BANP: variants seen among roughly 807,000 people sequenced by gnomAD.
The protein encoded by BANP is protein BANP.
A neutral mutation model predicts 68.1 loss-of-function variants in BANP; 11 were observed. The ratio of observed to expected loss-of-function variants is 0.16; its 90% CI spans 0.10 to 0.27. BANP has a LOEUF of 0.27. Ranked by LOEUF, BANP falls within the 10% of genes least tolerant of loss-of-function variation. BANP has a pLI of 1.00. For missense variants in BANP, 504 were observed against 722.7 expected (o/e 0.70, Z 3.47); for synonymous variants, 329 against 303.2 (o/e 1.09, Z -0.88).
At chr16:88,037,044 C>G (rs1420096252) in intron 10 of BANP, among the ~76,000 whole-genome samples, 2 of 152,182 alleles carry the variant, frequency 1.3e-5, no homozygotes, top group African/African-American at 4.8e-5. Context: ...GCTAAGCTCA[C>G]TGCCAAAGAG....
chr16:88,018,016 G>T lies in BANP; in HGVS notation c.656-412G>T, dbSNP rs1477017922. On this transcript the variant is annotated intron_variant, in intron 6 of 13. Transcript: ENST00000682872. This position sits in a 1 kb window ranked among gnomAD's most constrained non-coding sequence, Gnocchi z 7.7. ...TTCTTGGTGGGAGTGGCTGGCCAGTGGGAGAGCATGGCTGGCAGTGAGGTG... is the reference window on the plus strand; with the variant it reads ...TTCTTGGTGGGAGTGGCTGGCCAGTTGGAGAGCATGGCTGGCAGTGAGGTG... Among the ~76,000 whole-genome samples, 1 of 152,152 alleles carries T rather than the reference G, an allele frequency of 6.6e-6. No homozygotes were observed. Among genetic ancestry groups the T allele is most frequent in the Non-Finnish European group, 1.5e-5 (1 of 68,020 alleles).
At chr16:88,049,308 T>A (rs1485279945) in intron 11 of BANP, among the ~76,000 whole-genome samples, 1 of 152,140 alleles carries the variant, frequency 6.6e-6, no homozygotes, top group African/African-American at 2.4e-5. Flanking sequence ...TTACTGTGTT[T>A]ATTATCATAA....
At chr16:87,975,481 C>T (rs1381756363) in intron 2 of BANP, among the ~76,000 whole-genome samples, 2 of 152,206 alleles carry the variant, frequency 1.3e-5, no homozygotes, top group Non-Finnish European at 2.9e-5. Context: ...TGCCGCGTCC[C>T]TGTGTGCGGC....
At chr16:87,960,782 G>C (rs894402740) in intron 1 of BANP, among the ~76,000 whole-genome samples, 2 of 152,186 alleles carry the variant, frequency 1.3e-5, no homozygotes, top group Non-Finnish European at 2.9e-5. Flanking sequence ...TCTTTTCATG[G>C]AACACTATAA....
In BANP at chr16:88,009,906, C is replaced by G. The variant is rs8054002; in HGVS notation, c.655+3641C>G. ...ATTAGAATAAGAGGGACTGTAGCTC[C>G]TGACTGTTGAAAGCATGGAACAGTA... On this transcript the variant is annotated intron_variant, in intron 6 of 13. Coordinates refer to ENST00000682872, the MANE Select transcript of BANP (RefSeq NM_001386991.1). Among the ~76,000 whole-genome samples, 1,246 of 150,536 alleles carry G rather than the reference C, an allele frequency of 8.3e-3. 17 individuals carry two copies. Among genetic ancestry groups the G allele is most frequent in the African/African-American group, 0.029 (1,163 of 40,654 alleles).
intron 10 of BANP, chr16:88,037,371 T>G (rs1381790114): frequency 1.3e-5 from 2 of 152,808 alleles, no homozygotes; most frequent in Non-Finnish European, 2.9e-5. Flanking sequence ...AGTGACAGTA[T>G]GCAGTCTCGT....
chr16:87,984,359 A>G, intron 4 of BANP, 100 bp downstream of exon 4: 1 of 1,293,072 alleles, frequency 7.7e-7, no homozygotes. Context: ...TTTGCTGGAG[A>G]TGCGCGGTGT....
intron 13 of BANP, 89 bp from the exon 14 acceptor site, chr16:88,076,501 G>C: frequency 8.5e-7 from 1 of 1,175,440 alleles, no homozygotes; most frequent in Non-Finnish European, 1.2e-6. Context: ...TTCTCATTCT[G>C]CCTTAAAGTC....
At position 87,984,056 on chromosome 16, in the gene BANP, C is replaced by G. The variant is rs773490484; in HGVS notation, c.163-4C>G. On this transcript the variant is annotated splice_polypyrimidine_tract_variant and splice_region_variant and intron_variant, in intron 3 of 13. Coordinates refer to ENST00000682872, the MANE Select transcript of BANP (RefSeq NM_001386991.1). ...TCCTAAAGCCGGTCTTTTTTCACTTCCAGTCATTCCTGTATTCCATCAACC... is the reference window on the plus strand; with the variant it reads ...TCCTAAAGCCGGTCTTTTTTCACTTGCAGTCATTCCTGTATTCCATCAACC... The G allele has an allele frequency of 7.1e-5, 115 of 1,613,604 alleles. No homozygotes were observed. The highest frequency in any genetic ancestry group is 9.2e-5 in the Non-Finnish European group (108 of 1,179,846).
rs140320749 is a variant in BANP at position 88,036,085 on chromosome 16, G to A, written c.1272+691G>A. Among the ~76,000 whole-genome samples the A allele has an allele frequency of 1.7e-3, 255 of 152,350 alleles. 1 individual carries two copies. Among genetic ancestry groups the A allele is most frequent in the African/African-American group, 5.7e-3 (239 of 41,568 alleles). ...CATGCCAGAGCAGGACTGTCTCCCG[G>A]GTGACCGTCCTTCGACTCTGGGCTG... is the stretch of plus-strand genomic sequence containing the variant. On this transcript the variant is annotated intron_variant, in intron 10 of 13. Transcript: ENST00000682872. This position sits in a 1 kb window ranked among gnomAD's most constrained non-coding sequence, Gnocchi z 4.2.
intron 4 of BANP, among the ~76,000 whole-genome samples, chr16:87,988,758 C>G (rs531959489): frequency 6.6e-6 from 1 of 152,124 alleles, no homozygotes; most frequent in African/African-American, 2.4e-5. Flanking sequence ...GTGACGAGGC[C>G]CCCGGAGAGA....
At chr16:87,977,253 C>CA (rs1178776152) in intron 2 of BANP, among the ~76,000 whole-genome samples, 3 of 152,108 alleles carry the variant, frequency 2.0e-5, no homozygotes, top group South Asian at 2.1e-4. Flanking sequence ...ACTTAAAATA[C>CA]AAAAAAATAC....
At chr16:88,033,799 C>G (rs1156490802) in intron 9 of BANP, among the ~76,000 whole-genome samples, 1 of 152,154 alleles carries the variant, frequency 6.6e-6, no homozygotes, top group East Asian at 1.9e-4. Flanking sequence ...GTTTTGTGAC[C>G]CAAGCTGTGG....
intron 13 of BANP, among the ~76,000 whole-genome samples, chr16:88,072,924 T>G (rs927788964): frequency 6.6e-6 from 1 of 152,262 alleles, no homozygotes; most frequent in African/African-American, 2.4e-5. Context: ...GGTGGTTGGC[T>G]GCTGCCCAGC....
At position 87,975,184 on chromosome 16, in the gene BANP, A is replaced by G; in HGVS notation, c.69A>G (p.Pro23=). The G allele has an allele frequency of 6.2e-7, 1 of 1,614,018 alleles. No homozygotes were observed. The highest frequency in any genetic ancestry group is 1.1e-5 in the South Asian group (1 of 91,084). The change falls in exon 2 of 14, where the codon CCA becomes CCG. Residue 23 remains proline, a splice_region_variant and synonymous_variant. Transcript: ENST00000682872. The part of the protein sequence containing the change: ...IAVEDLSPDH[P]VVLENHVVTD... ...TGGAAGACCTGAGCCCTGACCACCC[A>G]GGTACAGAGCTGTGGGACAGTAGGT...
intron 13 of BANP, among the ~76,000 whole-genome samples, chr16:88,072,992 C>T (rs1477292492): frequency 6.6e-6 from 1 of 152,250 alleles, no homozygotes; most frequent in Non-Finnish European, 1.5e-5. Context: ...TCTGTGGACC[C>T]AGCGCTGGTG....
intron 4 of BANP, among the ~76,000 whole-genome samples, chr16:87,985,085 C>T (rs1233686094): frequency 2.0e-5 from 3 of 152,194 alleles, no homozygotes; most frequent in Admixed American, 6.5e-5. Flanking sequence ...CGCAACAAGC[C>T]TGGAGGGACT....
chr16:88,022,919 G>C (rs1165318400), intron 7 of BANP, among the ~76,000 whole-genome samples: 1 of 152,204 alleles, frequency 6.6e-6, no homozygotes, highest in East Asian at 1.9e-4. Context: ...CACATCTGCA[G>C]AGACCCTAGT....
chr16:87,962,539 A>G (rs1334832906), intron 1 of BANP, among the ~76,000 whole-genome samples: 1 of 152,152 alleles, frequency 6.6e-6, no homozygotes, highest in Admixed American at 6.5e-5. Flanking sequence ...TAGAGCCTAG[A>G]CGCTTCTTAA....
Sources: allele counts gnomAD v4.1 joint callset (sites outside exome capture counted in the v4.1 genomes callset), GRCh38; gene constraint gnomAD v4.1.1; non-coding constraint Gnocchi (gnomAD v3.1); transcripts MANE v1.5; gene names NCBI Gene and HGNC (gene_info 2026-07-23, HGNC 2026-07-21).